The following RBM47 variants were observed in gnomAD, a reference collection of about 807,000 sequenced individuals.
The protein encoded by RBM47 is RNA binding motif protein 47.
In RBM47, 21 loss-of-function variants were observed where a neutral mutation model predicts 47.1. That is an observed-to-expected ratio of 0.45 (90% CI 0.32 to 0.64). The LOEUF (loss-of-function observed/expected upper bound fraction) is 0.64, where lower values mean the gene tolerates loss of function less well. Among genes scored for constraint, RBM47 ranks in the 30% least tolerant of loss-of-function variants. RBM47 has a pLI of 0.05. For synonymous variants in RBM47, 375 were observed against 361.7 expected, an observed-to-expected ratio of 1.04 and a Z score of -0.42; for missense variants, 708 against 870.9, an observed-to-expected ratio of 0.81 and a Z score of 2.35.
At chr4:40,584,819 C>T (rs1460827180) in intron 1 of RBM47, among the ~76,000 whole-genome samples, 1 of 152,196 alleles carries the variant, frequency 6.6e-6, no homozygotes, top group Non-Finnish European at 1.5e-5. Flanking sequence ...TCAAGAGCCA[C>T]AGGTGACTGG....
chr4:40,593,725 A>T (rs1360809095), intron 1 of RBM47, among the ~76,000 whole-genome samples: 1 of 152,016 alleles, frequency 6.6e-6, no homozygotes, highest in Non-Finnish European at 1.5e-5. Flanking sequence ...CTAAAAATAC[A>T]AAAACAAAAT....
intron 1 of RBM47, among the ~76,000 whole-genome samples, chr4:40,602,508 C>T (rs1284907768): frequency 1.3e-5 from 2 of 151,824 alleles, no homozygotes; most frequent in African/African-American, 2.4e-5. Flanking sequence ...ATTAGCTGGG[C>T]ATGGTGGCGC....
At chr4:40,584,588 C>T (rs1733351690) in intron 1 of RBM47, among the ~76,000 whole-genome samples, 1 of 152,126 alleles carries the variant, frequency 6.6e-6, no homozygotes, top group African/African-American at 2.4e-5. Context: ...CAGCACATCT[C>T]ATTTTGGATG....
chr4:40,565,490 C>T (rs1731010873), intron 1 of RBM47, among the ~76,000 whole-genome samples: 1 of 152,182 alleles, frequency 6.6e-6, no homozygotes, highest in African/African-American at 2.4e-5. Flanking sequence ...AGCAGCAGCT[C>T]TCCACTAAGA....
At chr4:40,573,152 CAAA>C (rs369450436) in intron 1 of RBM47, among the ~76,000 whole-genome samples, 22 of 63,866 alleles carry the variant, frequency 3.4e-4, no homozygotes, top group African/African-American at 1.0e-3. Flanking sequence ...GACTTCATCT[CAAA>C]AAAAAAAAAA....
intron 2 of RBM47, among the ~76,000 whole-genome samples, 185 bp from the exon 3 acceptor site, chr4:40,466,884 T>C (rs1277345783): frequency 3.3e-5 from 5 of 151,400 alleles, no homozygotes; most frequent in Non-Finnish European, 5.9e-5. Flanking sequence ...ATGTTCTCTA[T>C]AAACCAAGTG....
At chr4:40,547,042 G>A (rs1174288894) in intron 1 of RBM47, among the ~76,000 whole-genome samples, 2 of 152,180 alleles carry the variant, frequency 1.3e-5, no homozygotes, top group Non-Finnish European at 2.9e-5. Flanking sequence ...TGTTTGAGCA[G>A]GTGCATATTA....
chr4:40,541,181 G>C (rs1276080792), intron 2 of RBM47, among the ~76,000 whole-genome samples: 1 of 150,968 alleles, frequency 6.6e-6, no homozygotes, highest in African/African-American at 2.4e-5. Flanking sequence ...AGGGAGAATT[G>C]CTTGAGCCCA....
intron 1 of RBM47, among the ~76,000 whole-genome samples, chr4:40,565,341 G>C (rs915335138): frequency 6.6e-6 from 1 of 152,170 alleles, no homozygotes; most frequent in African/African-American, 2.4e-5. Context: ...GCCAACCTTG[G>C]TGCTGGAGCT....
At position 40,424,555 on chromosome 4, in the gene RBM47, T is replaced by A. The variant is rs185840715; in HGVS notation, c.*1349A>T. The A allele has an allele frequency of 4.8e-4, 73 of 152,450 alleles. No individual in the cohort carries two copies. The highest frequency in any genetic ancestry group is 1.6e-3 in the African/African-American group (68 of 41,580). 9.4% of individuals were successfully genotyped at this position (152,450 alleles called of 1,614,324 possible). A position where few individuals can be genotyped will look rare whatever the true frequency, so the allele number is the denominator to read the frequency against. On this transcript the variant is annotated 3_prime_UTR_variant, in exon 7 of 7. Coordinates refer to ENST00000295971, the MANE Select transcript of RBM47 (RefSeq NM_001098634.2). ...ACATAAAAGGACTAAAAACAAGCAT[T>A]AGAAGATATTTACAAACTATCTTTA...
intron 2 of RBM47, among the ~76,000 whole-genome samples, chr4:40,521,935 G>A (rs1023039084): frequency 1.3e-5 from 2 of 152,164 alleles, no homozygotes; most frequent in African/African-American, 4.8e-5. Flanking sequence ...CCACAAGCTT[G>A]ACTGCTTGTC....
At chr4:40,481,201 T>G (rs1008123521) in intron 2 of RBM47, among the ~76,000 whole-genome samples, 3 of 151,984 alleles carry the variant, frequency 2.0e-5, no homozygotes, top group Non-Finnish European at 4.4e-5. Context: ...TAAGTAGCAC[T>G]TTCTATAATA....
At chr4:40,586,137 TC>T (rs35263629) in intron 1 of RBM47, among the ~76,000 whole-genome samples, 1 of 151,914 alleles carries the variant, frequency 6.6e-6, no homozygotes, top group Non-Finnish European at 1.5e-5. Context: ...ATAGCATAAA[TC>T]CCCCCACCCT....
chr4:40,582,856 T>C (rs1044663494), intron 1 of RBM47, among the ~76,000 whole-genome samples: 3 of 152,208 alleles, frequency 2.0e-5, no homozygotes, highest in African/African-American at 7.2e-5. Flanking sequence ...AGAATCCATG[T>C]CTCATTACCA....
chr4:40,609,504 G>A (rs1247955577), intron 1 of RBM47, among the ~76,000 whole-genome samples: 1 of 149,030 alleles, frequency 6.7e-6, no homozygotes, highest in Non-Finnish European at 1.5e-5. Flanking sequence ...GTAGAGACAG[G>A]GTTTCACCAT....
At chr4:40,551,045 T>C (rs766841112) in intron 1 of RBM47, among the ~76,000 whole-genome samples, 4 of 152,204 alleles carry the variant, frequency 2.6e-5, no homozygotes, top group Non-Finnish European at 4.4e-5. Flanking sequence ...GTGGTTCTGA[T>C]ATATTTCCTG....
At chr4:40,528,282 G>A (rs548396889) in intron 2 of RBM47, among the ~76,000 whole-genome samples, 11 of 152,174 alleles carry the variant, frequency 7.2e-5, no homozygotes, top group East Asian at 3.9e-4. Context: ...GTGGTGGCAC[G>A]CCTGTAGTCC....
chr4:40,448,911 T>G (rs889768072), intron 3 of RBM47, among the ~76,000 whole-genome samples: 4 of 152,114 alleles, frequency 2.6e-5, no homozygotes, highest in African/African-American at 9.7e-5. Context: ...TGCCCCAAAC[T>G]TGGGGTGAAG....
intron 2 of RBM47, among the ~76,000 whole-genome samples, chr4:40,498,935 C>A (rs1416570212): frequency 6.6e-6 from 1 of 151,830 alleles, no homozygotes; most frequent in Non-Finnish European, 1.5e-5. Flanking sequence ...ATCCCAGCTA[C>A]TTGGGAGGCT....
Sources: gnomAD v4.1 joint callset for allele counts (sites outside exome capture counted in the v4.1 genomes callset) on GRCh38, gnomAD v4.1.1 for gene constraint, MANE v1.5 for transcripts, NCBI Gene and HGNC (gene_info 2026-07-23, HGNC 2026-07-21) for gene names.